ASIP: variants seen among roughly 807,000 people sequenced by gnomAD.
ASIP encodes the protein agouti-signaling protein.
A neutral mutation model predicts 10.3 loss-of-function variants in ASIP; 11 were observed. The ratio of observed to expected loss-of-function variants is 1.07; its 90% confidence interval spans 0.68 to 1.78. The LOEUF (loss-of-function observed/expected upper bound fraction) is 1.78. Among genes scored for constraint, ASIP ranks in the 40% most tolerant of loss-of-function variants. The pLI, the probability that ASIP is intolerant of heterozygous loss-of-function variation, is 0.00. For synonymous variants in ASIP, 70 were observed against 70.8 expected (o/e 0.99, Z 0.06); for missense variants, 180 against 169.2 (o/e 1.06, Z -0.35).
intron 1 of ASIP, among the ~76,000 whole-genome samples, chr20:34,257,088 T>C (rs559074993): frequency 2.0e-4 from 31 of 151,670 alleles, no homozygotes; most frequent in Admixed American, 5.3e-4. Context: ...TTTTTGTTTT[T>C]TGTTTTTTGT....
chr20:34,260,330 C>T, intron 1 of ASIP, 35 bp from the exon 2 acceptor site: 2 of 1,591,654 alleles, frequency 1.3e-6, no homozygotes, highest in Non-Finnish European at 1.7e-6. Flanking sequence ...TTACCCCTGA[C>T]CCACCCACCT....
intron 1 of ASIP, among the ~76,000 whole-genome samples, chr20:34,247,155 G>A (rs2035390561): frequency 1.3e-5 from 2 of 151,978 alleles, no homozygotes; most frequent in South Asian, 2.1e-4. Context: ...AATGTAGCCC[G>A]TTGTGTTTAA....
At chr20:34,262,786 C>T (rs1158097908) in intron 2 of ASIP, 46 bp from the exon 3 acceptor site, 21 of 1,609,050 alleles carry the variant, frequency 1.3e-5, no homozygotes, top group African/African-American at 4.0e-5. Flanking sequence ...TGCAGCTCAA[C>T]GTCCCCAGAA....
At chr20:34,239,049 T>G (rs1196402012), upstream of ASIP, among the ~76,000 whole-genome samples, 1 of 152,178 alleles carries the variant, frequency 6.6e-6, no homozygotes. Flanking sequence ...TAATTATTTC[T>G]AAGGGAATAA....
chr20:34,243,775 A>T (rs1232125704), intron 1 of ASIP, among the ~76,000 whole-genome samples: 1 of 151,742 alleles, frequency 6.6e-6, no homozygotes, highest in Non-Finnish European at 1.5e-5. Context: ...AAAAAAAAAA[A>T]ACTGTCTCGC....
At chr20:34,207,116 G>A (rs183959160) in intron 1 of ASIP, among the ~76,000 whole-genome samples, 29 of 152,160 alleles carry the variant, frequency 1.9e-4, no homozygotes, top group Admixed American at 1.2e-3. Context: ...TTATATTCCC[G>A]TTAACAGAAT....
chr20:34,253,661 G>A (rs1013013008), intron 1 of ASIP, among the ~76,000 whole-genome samples: 3 of 151,654 alleles, frequency 2.0e-5, no homozygotes, highest in Non-Finnish European at 2.9e-5. Flanking sequence ...TAGTAGAGAC[G>A]GGTTTCACCA....
At chr20:34,241,903 G>A (rs1185769495) in intron 1 of ASIP, among the ~76,000 whole-genome samples, 1 of 152,196 alleles carries the variant, frequency 6.6e-6, no homozygotes, top group Non-Finnish European at 1.5e-5. Context: ...CAGTCTGCAC[G>A]TGTAGCATTT....
chr20:34,203,058 T>C (rs1424951961), intron 1 of ASIP, among the ~76,000 whole-genome samples: 1 of 152,100 alleles, frequency 6.6e-6, no homozygotes, highest in East Asian at 1.9e-4. Context: ...TCTGCCTGCC[T>C]CGGCCTCCCA....
chr20:34,251,809 C>G (rs1454340001), intron 1 of ASIP, among the ~76,000 whole-genome samples: 1 of 152,162 alleles, frequency 6.6e-6, no homozygotes, highest in Non-Finnish European at 1.5e-5. Context: ...AGGGAAAGCC[C>G]TTCCACCTTG....
chr20:34,198,442 C>T (rs1347807728), intron 1 of ASIP, among the ~76,000 whole-genome samples: 1 of 151,798 alleles, frequency 6.6e-6, no homozygotes, highest in Non-Finnish European at 1.5e-5. Context: ...TCCTAAATGG[C>T]CTGGATACAC....
chr20:34,234,061 T>C (rs1415775476), intron 1 of ASIP, among the ~76,000 whole-genome samples: 2 of 152,306 alleles, frequency 1.3e-5, no homozygotes, highest in Middle Eastern at 3.4e-3. Context: ...TGTGCCCAGT[T>C]GATGATGGTG....
intron 1 of ASIP, chr20:34,214,503 C>T (rs2034994652): frequency 6.6e-7 from 1 of 1,506,468 alleles, no homozygotes; most frequent in East Asian, 2.3e-5. Context: ...CTTCTGCCAA[C>T]ATATACAGCA....
At chr20:34,259,788 T>C (rs1394853835) in intron 1 of ASIP, among the ~76,000 whole-genome samples, 1 of 151,474 alleles carries the variant, frequency 6.6e-6, no homozygotes, top group Non-Finnish European at 1.5e-5. Flanking sequence ...AATAAATACA[T>C]AAATCCAGGG....
chr20:34,222,523 T>C (rs1438273925), intron 1 of ASIP, among the ~76,000 whole-genome samples: 1 of 152,170 alleles, frequency 6.6e-6, no homozygotes, highest in Non-Finnish European at 1.5e-5. Flanking sequence ...TTGTAAAATA[T>C]ATATTTTTTT....
At chr20:34,188,557 G>A in the ASIP span, among the ~76,000 whole-genome samples, 1 of 152,096 alleles carries the variant, frequency 6.6e-6, no homozygotes, top group East Asian at 1.9e-4. Flanking sequence ...CTCAGAACTG[G>A]AGTGCTCTCC....
chr20:34,213,141 G>T (rs948652058), intron 1 of ASIP, among the ~76,000 whole-genome samples: 1 of 152,174 alleles, frequency 6.6e-6, no homozygotes, highest in Non-Finnish European at 1.5e-5. Flanking sequence ...TATCATTATT[G>T]CAAGGGTGGG....
chr20:34,240,229 A>G (rs957791095), upstream of ASIP, among the ~76,000 whole-genome samples: 2 of 152,186 alleles, frequency 1.3e-5, no homozygotes, highest in Non-Finnish European at 2.9e-5. Flanking sequence ...AACTATTCTT[A>G]AAGTCATGTT....
chr20:34,232,940 G>C (rs1476877670), intron 1 of ASIP, among the ~76,000 whole-genome samples: 1 of 152,164 alleles, frequency 6.6e-6, no homozygotes, highest in Non-Finnish European at 1.5e-5. Context: ...GGGACATAGA[G>C]AACATTAACT....
Sources: allele counts gnomAD v4.1 joint callset (sites outside exome capture counted in the v4.1 genomes callset), GRCh38; gene constraint gnomAD v4.1.1; transcripts MANE v1.5; gene names NCBI Gene and HGNC (gene_info 2026-07-23, HGNC 2026-07-21).